The following THSD7A variants were observed in gnomAD, a reference collection of about 807,000 sequenced individuals.
The protein encoded by THSD7A is thrombospondin type 1 domain containing 7A.
In THSD7A, 96 loss-of-function variants were observed where a neutral mutation model predicts 231.3. The ratio of observed to expected loss-of-function variants is 0.41; its 90% CI spans 0.35 to 0.49. THSD7A has a LOEUF of 0.49. THSD7A is among the 20% of genes least tolerant of loss of function. The probability of loss-of-function intolerance (pLI) is 0.05; values close to 1 mark genes in which losing one functional copy is unlikely to be tolerated. For synonymous variants in THSD7A, 940 were observed against 743.3 expected, an observed-to-expected ratio of 1.26 and a Z score of -4.30; for missense variants, 2,290 against 2,070.2, an observed-to-expected ratio of 1.11 and a Z score of -2.06.
At chr7:11,424,107 T>C (rs1176553630) in intron 16 of THSD7A, among the ~76,000 whole-genome samples, 1 of 152,184 alleles carries the variant, frequency 6.6e-6, no homozygotes, top group Non-Finnish European at 1.5e-5. Context: ...AACAGATAGC[T>C]GCCAGCCACA....
At chr7:11,410,643 T>A (rs1293801501) in intron 19 of THSD7A, 1 of 152,238 alleles carries the variant, frequency 6.6e-6, no homozygotes, top group Non-Finnish European at 1.5e-5. Flanking sequence ...GTGACATTAC[T>A]TTAATCAATT....
At chr7:11,380,010 T>G (rs1373043115) in intron 24 of THSD7A, among the ~76,000 whole-genome samples, 1 of 152,190 alleles carries the variant, frequency 6.6e-6, no homozygotes, top group East Asian at 1.9e-4. Context: ...CACAAGCTTT[T>G]TCTGTCAGGA....
chr7:11,501,197 C>T (rs961723186), intron 6 of THSD7A, among the ~76,000 whole-genome samples: 1 of 152,110 alleles, frequency 6.6e-6, no homozygotes, highest in Non-Finnish European at 1.5e-5. Context: ...CTTCAACACT[C>T]CACTGACAGT....
At chr7:11,480,015 A>C (rs1230110944) in intron 7 of THSD7A, among the ~76,000 whole-genome samples, 1 of 152,210 alleles carries the variant, frequency 6.6e-6, no homozygotes, top group African/African-American at 2.4e-5. Flanking sequence ...CCATATATTG[A>C]TACATCACAC....
At chr7:11,566,326 G>A (rs1025684821) in intron 4 of THSD7A, among the ~76,000 whole-genome samples, 4 of 152,182 alleles carry the variant, frequency 2.6e-5, no homozygotes, top group Non-Finnish European at 5.9e-5. Context: ...AGACAGAAAG[G>A]GATGTTTTAA....
At position 11,446,173 on chromosome 7, in the gene THSD7A, T is replaced by G; in HGVS notation, c.2952A>C (p.Gly984=). The G allele has an allele frequency of 6.2e-7, 1 of 1,613,568 alleles. No homozygotes were observed. The highest frequency in any genetic ancestry group is 8.5e-7 in the Non-Finnish European group (1 of 1,179,660). Residue 984 remains glycine, a synonymous_variant, in exon 13 of 28, where the codon GGA becomes GGC. Coordinates refer to ENST00000423059, the MANE Select transcript of THSD7A (RefSeq NM_015204.3). This position sits in a 1 kb window ranked among gnomAD's most constrained non-coding sequence, Gnocchi z 4.0. ...LPEGKVEVLL[G]MKVQGDIKEC... Reference sequence around the variant, plus strand: ...CCTTGATGTCTCCTTGTACTTTCATTCCCAGCAACACTTCCACTTTTCCCT... The same window carrying G: ...CCTTGATGTCTCCTTGTACTTTCATGCCCAGCAACACTTCCACTTTTCCCT...
chr7:11,645,527 G>A (rs556615566), intron 1 of THSD7A, among the ~76,000 whole-genome samples: 1 of 151,836 alleles, frequency 6.6e-6, no homozygotes, highest in South Asian at 2.1e-4. Flanking sequence ...TGCATCAGAA[G>A]TTTATTACAA....
rs66964252 is a variant in THSD7A, at chr7:11,706,630, C to CTTTTTTTTTTTTTT, written c.191-69683_191-69670dup. Among the ~76,000 whole-genome samples, 190 of 66,390 alleles carry CTTTTTTTTTTTTTT rather than the reference C, an allele frequency of 2.9e-3. 13 individuals carry two copies. The highest frequency in any genetic ancestry group is 4.2e-3 in the Non-Finnish European group (156 of 36,886). The allele number at this position is 66,390 out of a possible 152,430, so 43.6% of individuals were successfully genotyped here. A position where few individuals can be genotyped will look rare whatever the true frequency, so the allele number is the denominator to read the frequency against. ...ATTGACTAAAAATTTTAACAAGGTG[C>CTTTTTTTTTTTTTT]TTTTTTTTTTTTTTTTTTTTTTTTT... On this transcript the variant is annotated intron_variant, in intron 1 of 27. Coordinates refer to ENST00000423059, the MANE Select transcript of THSD7A (RefSeq NM_015204.3).
At chr7:11,488,142 A>C (rs1786737346) in intron 6 of THSD7A, among the ~76,000 whole-genome samples, 2 of 152,146 alleles carry the variant, frequency 1.3e-5, no homozygotes, top group African/African-American at 4.8e-5. Context: ...TGTAATTTTG[A>C]GATTAGATTT....
chr7:11,517,272 G>T (rs1788069594), intron 6 of THSD7A, among the ~76,000 whole-genome samples: 1 of 151,878 alleles, frequency 6.6e-6, no homozygotes, highest in African/African-American at 2.4e-5. Flanking sequence ...TAGAGACGGG[G>T]TTTCACTATG....
At chr7:11,763,281 T>A (rs1280610328) in intron 1 of THSD7A, among the ~76,000 whole-genome samples, 1 of 152,208 alleles carries the variant, frequency 6.6e-6, no homozygotes, top group Non-Finnish European at 1.5e-5. Flanking sequence ...CTGTCATCTC[T>A]GTCCTCATCT....
intron 1 of THSD7A, among the ~76,000 whole-genome samples, chr7:11,800,696 A>G (rs758694638): frequency 1.5e-4 from 23 of 152,222 alleles, no homozygotes; most frequent in Non-Finnish European, 3.4e-4. Context: ...ATAGAAGCAG[A>G]GAATAGAATT....
In THSD7A at chr7:11,395,462, C is replaced by T. The variant is rs377495744; in HGVS notation, c.4411+6333G>A. Among the ~76,000 whole-genome samples, 37 of 151,580 alleles carry T rather than the reference C, an allele frequency of 2.4e-4. 1 individual carries two copies. Among genetic ancestry groups the T allele is most frequent in the African/African-American group, 8.2e-4 (34 of 41,352 alleles). Reference sequence around the variant, plus strand: ...TTCAGGACTTGAACTAAGCTGTGGACCAAGGAGACCTAATAGACTTCTACA... The same window carrying T: ...TTCAGGACTTGAACTAAGCTGTGGATCAAGGAGACCTAATAGACTTCTACA... On this transcript the variant is annotated intron_variant, in intron 23 of 27. Transcript: ENST00000423059.
At chr7:11,425,982 G>A (rs1393548615) in intron 15 of THSD7A, among the ~76,000 whole-genome samples, 5 of 151,570 alleles carry the variant, frequency 3.3e-5, no homozygotes, top group African/African-American at 4.9e-5. Context: ...TGGGTGCAGC[G>A]CACCAGCATG....
At chr7:11,779,582 A>G (rs1364753441) in intron 1 of THSD7A, among the ~76,000 whole-genome samples, 2 of 152,196 alleles carry the variant, frequency 1.3e-5, no homozygotes, top group Non-Finnish European at 2.9e-5. Flanking sequence ...AATCACCTCC[A>G]GTTAATATTT....
chr7:11,826,438 C>T (rs113927735), intron 1 of THSD7A, among the ~76,000 whole-genome samples: 5 of 152,244 alleles, frequency 3.3e-5, no homozygotes, highest in African/African-American at 1.2e-4. Flanking sequence ...AAGTCAGTCG[C>T]GTTTTGCTCA....
chr7:11,543,425 G>A (rs1282117956), intron 4 of THSD7A, among the ~76,000 whole-genome samples: 1 of 152,108 alleles, frequency 6.6e-6, no homozygotes, highest in Non-Finnish European at 1.5e-5. Flanking sequence ...TATTCCTTAA[G>A]GTTAGATCTA....
intron 6 of THSD7A, among the ~76,000 whole-genome samples, chr7:11,521,044 A>C (rs1253083480): frequency 6.6e-6 from 1 of 152,210 alleles, no homozygotes; most frequent in Non-Finnish European, 1.5e-5. Flanking sequence ...GTAATCATTT[A>C]AAATGTATGT....
At chr7:11,585,918 G>A (rs1369354423) in intron 4 of THSD7A, among the ~76,000 whole-genome samples, 5 of 152,198 alleles carry the variant, frequency 3.3e-5, no homozygotes, top group East Asian at 1.9e-4. Flanking sequence ...TTCCTCAGCT[G>A]GGAATCAATT....
Sources: allele counts gnomAD v4.1 joint callset (sites outside exome capture counted in the v4.1 genomes callset), GRCh38; gene constraint gnomAD v4.1.1; non-coding constraint Gnocchi (gnomAD v3.1); transcripts MANE v1.5; gene names NCBI Gene and HGNC (gene_info 2026-07-23, HGNC 2026-07-21).